RFX4: variants seen among roughly 807,000 people sequenced by gnomAD.
RFX4 encodes the protein regulatory factor X4.
Under a neutral mutation model 95.0 loss-of-function variants are expected in RFX4, and 10 were observed. The observed-to-expected ratio is 0.11, with a 90% CI of 0.06 to 0.18. The LOEUF (loss-of-function observed/expected upper bound fraction) is 0.18, where lower values mean the gene tolerates loss of function less well. Among genes scored for constraint, RFX4 ranks in the 10% least tolerant of loss-of-function variants. The pLI, the probability that RFX4 is intolerant of heterozygous loss-of-function variation, is 1.00. For synonymous variants in RFX4, 321 were observed against 340.7 expected, an observed-to-expected ratio of 0.94 and a Z score of 0.64; for missense variants, 640 against 922.0, an observed-to-expected ratio of 0.69 and a Z score of 3.96.
intron 15 of RFX4, among the ~76,000 whole-genome samples, chr12:106,745,261 G>T (rs996893174): frequency 6.6e-6 from 1 of 152,038 alleles, no homozygotes; most frequent in African/African-American, 2.4e-5. Context: ...ATAAATGGGG[G>T]ATAACGTTCT....
Position 106,732,228 on chromosome 12 carries a change from A to G in RFX4, c.1450A>G (p.Met484Val), listed in dbSNP as rs747843571. The part of the protein sequence containing the change: ...QERANELMRA[M>V]KGEGSTAEVR... ...GCGGGCCAATGAGCTCATGCGAGCCATGAAGGGAGAAGGAAGCACTGGTAA... is the reference window on the plus strand; with the variant it reads ...GCGGGCCAATGAGCTCATGCGAGCCGTGAAGGGAGAAGGAAGCACTGGTAA... Residue 484 changes from methionine to valine, a missense_variant, in exon 14 of 18, where the codon ATG becomes GTG. By Grantham distance (21) the Met-to-Val change is conservative (BLOSUM62 1). Around this residue, in one of 7 missense-constraint regions of RFX4, gnomAD observed 300 missense variants for 346.8 expected, o/e 0.87. Coordinates refer to ENST00000392842, the MANE Select transcript of RFX4 (RefSeq NM_213594.3). The G allele has an allele frequency of 4.3e-6, 7 of 1,613,904 alleles. No homozygotes were observed. In the Admixed American group the frequency reaches 1.0e-4, roughly 23 times the overall value.
intron 1 of RFX4, among the ~76,000 whole-genome samples, chr12:106,592,711 A>G (rs1338113686): frequency 6.6e-6 from 1 of 150,516 alleles, no homozygotes; most frequent in African/African-American, 2.4e-5. Flanking sequence ...TTCAGGAAGT[A>G]GAAAACTCAG....
intron 2 of RFX4, among the ~76,000 whole-genome samples, chr12:106,623,300 G>A (rs2040223204): frequency 6.6e-6 from 1 of 152,090 alleles, no homozygotes; most frequent in Non-Finnish European, 1.5e-5. Context: ...TGGGATTACA[G>A]GCATGAGCCA....
intron 4 of RFX4, among the ~76,000 whole-genome samples, chr12:106,675,598 T>G (rs1191019746): frequency 1.3e-5 from 2 of 152,194 alleles, no homozygotes; most frequent in African/African-American, 4.8e-5. Context: ...TTGTACACCA[T>G]AAATATACAC....
At chr12:106,596,380 C>G (rs1026521783) in intron 1 of RFX4, among the ~76,000 whole-genome samples, 1 of 152,240 alleles carries the variant, frequency 6.6e-6, no homozygotes, top group Non-Finnish European at 1.5e-5. Context: ...TCCCCAGCCA[C>G]ATGGAACTGT....
chr12:106,640,251 C>A (rs1177314931), intron 3 of RFX4, among the ~76,000 whole-genome samples: 2 of 152,176 alleles, frequency 1.3e-5, no homozygotes, highest in Non-Finnish European at 2.9e-5. Flanking sequence ...CACAGCCAAT[C>A]AGTGGCAGAG....
intron 4 of RFX4, among the ~76,000 whole-genome samples, chr12:106,669,180 A>G (rs1295079975): frequency 6.6e-6 from 1 of 152,142 alleles, no homozygotes; most frequent in Non-Finnish European, 1.5e-5. Flanking sequence ...TAAAGCTCAG[A>G]GGGACTGAGT....
intron 8 of RFX4, among the ~76,000 whole-genome samples, chr12:106,701,103 G>A (rs191965497): frequency 6.6e-6 from 1 of 152,110 alleles, no homozygotes; most frequent in African/African-American, 2.4e-5. Flanking sequence ...TTCTGAAGAG[G>A]TCTTTATTTC....
At chr12:106,633,665 T>C (rs1007182581) in intron 2 of RFX4, among the ~76,000 whole-genome samples, 14 of 152,198 alleles carry the variant, frequency 9.2e-5, no homozygotes, top group African/African-American at 3.4e-4. Flanking sequence ...AATGCTGGAA[T>C]TTAAACCCAT....
intron 10 of RFX4, 120 bp from the exon 11 acceptor site, chr12:106,715,280 G>A (rs753270159): frequency 1.6e-4 from 189 of 1,161,752 alleles, no homozygotes; most frequent in South Asian, 9.3e-4. Flanking sequence ...TGAATTTCCC[G>A]GAATTTCAGG....
chr12:106,677,148 C>T (rs1295738418), intron 4 of RFX4, among the ~76,000 whole-genome samples: 3 of 152,148 alleles, frequency 2.0e-5, no homozygotes, highest in African/African-American at 7.2e-5. Context: ...GGACTGGAAC[C>T]CGGGTGAGCC....
intron 4 of RFX4, among the ~76,000 whole-genome samples, chr12:106,676,012 A>G (rs900370353): frequency 6.6e-5 from 10 of 152,124 alleles, no homozygotes; most frequent in African/African-American, 2.4e-4. Flanking sequence ...GGCCAATGAG[A>G]CTATGGCAGC....
chr12:106,662,497 C>G (rs2041094786), intron 4 of RFX4, among the ~76,000 whole-genome samples: 1 of 152,148 alleles, frequency 6.6e-6, no homozygotes, highest in African/African-American at 2.4e-5. Flanking sequence ...AATATTTTCT[C>G]CCAGCCTGTG....
At chr12:106,708,498 G>T (rs1462810733) in intron 8 of RFX4, among the ~76,000 whole-genome samples, 2 of 152,144 alleles carry the variant, frequency 1.3e-5, no homozygotes, top group African/African-American at 4.8e-5. Context: ...GTTGCCCAGT[G>T]GGGTGGAGGT....
chr12:106,696,668 G>A (rs906760990), intron 8 of RFX4, among the ~76,000 whole-genome samples: 1 of 152,090 alleles, frequency 6.6e-6, no homozygotes, highest in Non-Finnish European at 1.5e-5. Flanking sequence ...GTATAAGATG[G>A]TGTACAGTAA....
chr12:106,606,713 T>C (rs1270435350), intron 1 of RFX4, among the ~76,000 whole-genome samples: 2 of 152,180 alleles, frequency 1.3e-5, no homozygotes, highest in Non-Finnish European at 2.9e-5. Context: ...TGGCCCTTGT[T>C]CTTCCCCTCA....
At chr12:106,750,475 TC>T (rs1184546382) in intron 16 of RFX4, among the ~76,000 whole-genome samples, 179 bp from the exon 17 acceptor site, 5 of 72,516 alleles carry the variant, frequency 6.9e-5, no homozygotes, top group African/African-American at 1.2e-4. Flanking sequence ...AGACCCTGAC[TC>T]AAAAAAAAAA....
chr12:106,712,102 G>A (rs1452306827), intron 10 of RFX4, among the ~76,000 whole-genome samples: 4 of 152,226 alleles, frequency 2.6e-5, no homozygotes, highest in South Asian at 4.1e-4. Context: ...TAAGGCAACC[G>A]ATTAACATTA....
intron 17 of RFX4, among the ~76,000 whole-genome samples, chr12:106,757,446 G>A (rs1387758844): frequency 6.6e-6 from 1 of 151,872 alleles, no homozygotes; most frequent in East Asian, 1.9e-4. Context: ...TACTTGAGAG[G>A]CTCAGGTGGG....
Sources: allele counts gnomAD v4.1 joint callset (sites outside exome capture counted in the v4.1 genomes callset), GRCh38; gene constraint gnomAD v4.1.1; regional missense constraint gnomAD v4.1.1; transcripts MANE v1.5; gene names NCBI Gene and HGNC (gene_info 2026-07-23, HGNC 2026-07-21).